CLCN3: variants seen among roughly 807,000 people sequenced by gnomAD.
CLCN3 encodes the protein Cl-/H+ antiporter 3, also known as H(+)/Cl(-) exchange transporter 3.
CLCN3 carries 16 observed loss-of-function variants against 83.4 expected under a neutral mutation model. The observed-to-expected ratio is 0.19, with a 90% confidence interval of 0.13 to 0.29. CLCN3 has a LOEUF of 0.29. CLCN3 is among the 10% of genes least tolerant of loss of function. CLCN3 has a pLI of 1.00. For synonymous variants in CLCN3, 322 were observed against 346.2 expected (o/e 0.93, Z 0.78); for missense variants, 544 against 1,006.0 (o/e 0.54, Z 6.21).
At position 169,708,431 on chromosome 4, in the gene CLCN3, T is replaced by G. The variant is rs1433707292; in HGVS notation, c.2149+1165T>G. Among the ~76,000 whole-genome samples, 3 of 152,190 alleles carry G rather than the reference T, an allele frequency of 2.0e-5. 1 individual carries two copies. The highest frequency in any genetic ancestry group is 6.5e-5 in the Admixed American group (1 of 15,284). On this transcript the variant is annotated intron_variant, in intron 11 of 12. Transcript: ENST00000513761. Reference sequence around the variant, plus strand: ...CCCATCATTCTAAATTTTACTTAGCTAATACAATAGTAGTTGCCAGAGCTG... The same window carrying G: ...CCCATCATTCTAAATTTTACTTAGCGAATACAATAGTAGTTGCCAGAGCTG...
At chr4:169,656,027 G>A (rs2150215762) in intron 2 of CLCN3, among the ~76,000 whole-genome samples, 1 of 149,900 alleles carries the variant, frequency 6.7e-6, no homozygotes, top group East Asian at 1.9e-4. Flanking sequence ...AACTAATTGT[G>A]TAGTTTATTG....
At chr4:169,636,646 TTAACG>T (rs1418609894) in intron 2 of CLCN3, among the ~76,000 whole-genome samples, 6 of 152,190 alleles carry the variant, frequency 3.9e-5, no homozygotes, top group African/African-American at 1.4e-4. Context: ...ATAGCAATAG[TTAACG>T]TATTTTCATT....
chr4:169,697,155 G>C, intron 8 of CLCN3, 34 bp from the exon 9 acceptor site: 1 of 1,385,216 alleles, frequency 7.2e-7, no homozygotes, highest in South Asian at 1.4e-5. Context: ...TAAAATTATA[G>C]CATTAATTTT....
chr4:169,681,189 A>G (rs1731923757), intron 3 of CLCN3, among the ~76,000 whole-genome samples: 1 of 152,178 alleles, frequency 6.6e-6, no homozygotes, highest in African/African-American at 2.4e-5. Flanking sequence ...CTGGAATTAT[A>G]GGTGTGTGCC....
chr4:169,665,356 A>G lies in CLCN3; in HGVS notation c.161-14694A>G, dbSNP rs530116290. On this transcript the variant is annotated intron_variant, in intron 2 of 12. Coordinates refer to ENST00000513761, the MANE Select transcript of CLCN3 (RefSeq NM_001829.4). ...ATTAACTTGCAAGTCTTTGCAGTTT[A>G]GACAGTTAAATATGACTGAATGGCT... 2.8e-4 allele frequency among the ~76,000 whole-genome samples: 43 copies of G among 152,362 alleles called. No homozygotes were observed. In the South Asian group the frequency reaches 8.5e-3, roughly 30 times the overall value.
chr4:169,634,469 T>A (rs951580435), intron 1 of CLCN3, among the ~76,000 whole-genome samples: 1 of 152,216 alleles, frequency 6.6e-6, no homozygotes, highest in African/African-American at 2.4e-5. Flanking sequence ...ATTTAATTTG[T>A]TTGCCTCTAT....
chr4:169,661,837 A>T (rs189546708), intron 2 of CLCN3, among the ~76,000 whole-genome samples: 20 of 152,056 alleles, frequency 1.3e-4, no homozygotes, highest in African/African-American at 4.1e-4. Context: ...TCTATTTCCT[A>T]TGTTCTGATT....
intron 6 of CLCN3, among the ~76,000 whole-genome samples, chr4:169,691,288 A>C (rs1328743260): frequency 6.6e-6 from 1 of 151,924 alleles, no homozygotes; most frequent in Admixed American, 6.6e-5. Context: ...AAGTGCTGGG[A>C]TTACAGGTGT....
intron 2 of CLCN3, among the ~76,000 whole-genome samples, chr4:169,649,179 C>G (rs1447456263): frequency 6.6e-6 from 1 of 152,092 alleles, no homozygotes; most frequent in Non-Finnish European, 1.5e-5. Flanking sequence ...TGTACAGGTG[C>G]AGTTGCAGGC....
At chr4:169,625,858 C>T (rs1024144589) in intron 1 of CLCN3, among the ~76,000 whole-genome samples, 4 of 152,172 alleles carry the variant, frequency 2.6e-5, no homozygotes, top group Admixed American at 1.3e-4. Context: ...CTCAACACAA[C>T]AATAATTAAC....
chr4:169,680,237 A>C lies in CLCN3; in HGVS notation c.318+30A>C. On this transcript the variant is annotated intron_variant, in intron 3 of 12. Transcript: ENST00000513761. ...GTGTTTTTAGTAAAAATTTTTAAAA[A>C]CATAGTGCATAATTAGATCTTTTAA... 2.6e-6 allele frequency: 4 copies of C among 1,525,500 alleles called. No individual in the cohort carries two copies. The South Asian group carries it at 3.5e-5, about 13-fold the overall frequency. The allele number at this position is 1,525,500 out of a possible 1,614,324, so 94.5% of individuals were successfully genotyped here. A position where few individuals can be genotyped will look rare whatever the true frequency, so the allele number is the denominator to read the frequency against.
intron 4 of CLCN3, among the ~76,000 whole-genome samples, chr4:169,687,963 T>C (rs1337920079): frequency 3.9e-5 from 6 of 152,246 alleles, no homozygotes; most frequent in Non-Finnish European, 1.5e-5. Context: ...TTTATCCAGC[T>C]TGGTTGATCT....
chr4:169,656,751 C>T (rs11727839), intron 2 of CLCN3, among the ~76,000 whole-genome samples: 15,100 of 152,036 alleles, frequency 0.099, 806 homozygotes, highest in African/African-American at 0.15. Flanking sequence ...GCCTGGACAA[C>T]GTTGTAAGAC....
At chr4:169,649,580 G>A (rs899851300) in intron 2 of CLCN3, among the ~76,000 whole-genome samples, 1 of 152,202 alleles carries the variant, frequency 6.6e-6, no homozygotes, top group Non-Finnish European at 1.5e-5. Flanking sequence ...TAGAATGAGG[G>A]AGTATAAGGA....
At chr4:169,633,479 A>ATATT (rs1338840674) in intron 1 of CLCN3, among the ~76,000 whole-genome samples, 1 of 150,900 alleles carries the variant, frequency 6.6e-6, no homozygotes, top group Non-Finnish European at 1.5e-5. Context: ...TAGAGTCTAA[A>ATATT]TAGCCTTTTG....
chr4:169,693,023 A>G (rs1202699203), intron 7 of CLCN3, among the ~76,000 whole-genome samples: 3 of 151,848 alleles, frequency 2.0e-5, no homozygotes, highest in Non-Finnish European at 4.4e-5. Context: ...GTCCCTTCCT[A>G]TTTTCCAAAT....
intron 3 of CLCN3, chr4:169,680,767 A>G (rs1329658297): frequency 6.6e-6 from 1 of 152,272 alleles, no homozygotes; most frequent in African/African-American, 2.4e-5. Context: ...GCTTTAACAT[A>G]TAAAAGTACA....
Position 169,620,604 on chromosome 4 carries a change from G to T in CLCN3, c.-476G>T. On this transcript the variant is annotated 5_prime_UTR_variant, in exon 1 of 13. Coordinates refer to ENST00000513761, the MANE Select transcript of CLCN3 (RefSeq NM_001829.4). ...TCTTCCCCTTCCGTGGGTCAGGGCC[G>T]GTCCGGTCCGGAACCTGCAGCCCCT... 1 of 396,832 alleles carries T rather than the reference G, an allele frequency of 2.5e-6. No homozygotes were observed. Among genetic ancestry groups the T allele is most frequent in the Non-Finnish European group, 4.4e-6 (1 of 225,590 alleles). The allele number at this position is 396,832 out of a possible 1,614,324, so 24.6% of individuals were successfully genotyped here.
rs926955122 is a variant in CLCN3 at position 169,631,453 on chromosome 4, AT to A, written c.-16-4452del. 5.3e-5 allele frequency among the ~76,000 whole-genome samples: 8 copies of A among 151,358 alleles called. No individual in the cohort carries two copies. The Middle Eastern group carries it at 0.01, about 196-fold the overall frequency. On this transcript the variant is annotated intron_variant, in intron 1 of 12. Coordinates refer to ENST00000513761, the MANE Select transcript of CLCN3 (RefSeq NM_001829.4). ...AGGCGCCCACCACCACGCCCGGCTA[AT>A]TTTTTTTGTATTTTTAGTAGAGACG...
Sources: allele counts gnomAD v4.1 joint callset (sites outside exome capture counted in the v4.1 genomes callset), GRCh38; gene constraint gnomAD v4.1.1; transcripts MANE v1.5; gene names NCBI Gene and HGNC (gene_info 2026-07-23, HGNC 2026-07-21).